Variants in ERC1 observed in about 807,000 individuals in gnomAD.
ERC1 encodes the protein ELKS/RAB6-interacting/CAST family member 1.
In ERC1, 56 loss-of-function variants were observed where a neutral mutation model predicts 132.0. That is an observed-to-expected ratio of 0.42 (90% confidence interval 0.34 to 0.53). ERC1 has a LOEUF of 0.53. Ranked by LOEUF, ERC1 falls within the 20% of genes least tolerant of loss-of-function variation. The pLI, the probability that ERC1 is intolerant of heterozygous loss-of-function variation, is 0.03. For synonymous variants in ERC1, 478 were observed against 476.1 expected (o/e 1.00, Z -0.05); for missense variants, 1,202 against 1,349.9 (o/e 0.89, Z 1.72).
At chr12:1,208,495 G>GTA (rs977380133) in intron 12 of ERC1, among the ~76,000 whole-genome samples, 1 of 152,150 alleles carries the variant, frequency 6.6e-6, no homozygotes, top group African/African-American at 2.4e-5. Flanking sequence ...ATGTGTTTGT[G>GTA]ACATCTAGAG....
At chr12:1,151,077 T>C (rs1950792496) in intron 8 of ERC1, among the ~76,000 whole-genome samples, 1 of 152,208 alleles carries the variant, frequency 6.6e-6, no homozygotes, top group African/African-American at 2.4e-5. Context: ...TCCTCACCTC[T>C]CTGCAAATCC....
At chr12:1,379,604 T>C (rs1387958645) in intron 16 of ERC1, among the ~76,000 whole-genome samples, 2 of 152,080 alleles carry the variant, frequency 1.3e-5, no homozygotes, top group African/African-American at 4.8e-5. Flanking sequence ...CTTAACTGAG[T>C]GGCTTAAAGT....
chr12:1,239,183 G>A (rs1312627259), intron 13 of ERC1, among the ~76,000 whole-genome samples: 1 of 152,124 alleles, frequency 6.6e-6, no homozygotes, highest in Non-Finnish European at 1.5e-5. Context: ...TGATCCTCCT[G>A]TCTCAGCCTC....
chr12:1,153,297 C>T (rs2154255581), intron 8 of ERC1, among the ~76,000 whole-genome samples: 1 of 152,358 alleles, frequency 6.6e-6, no homozygotes, highest in South Asian at 2.1e-4. Context: ...CTGATAGGCA[C>T]ATGCTGAATA....
intron 8 of ERC1, among the ~76,000 whole-genome samples, chr12:1,171,432 G>A (rs966971808): frequency 6.9e-6 from 1 of 145,734 alleles, no homozygotes; most frequent in Non-Finnish European, 1.5e-5. Flanking sequence ...GTCTGATGGT[G>A]GACAAACTGT....
At chr12:1,219,292 A>G (rs73025628) in intron 12 of ERC1, among the ~76,000 whole-genome samples, 36,075 of 152,072 alleles carry the variant, frequency 0.24, 4,698 homozygotes, top group Middle Eastern at 0.31. Flanking sequence ...CTTTAGTTAA[A>G]TATCAAATTT....
chr12:1,160,003 A>C (rs1319512482), intron 8 of ERC1, among the ~76,000 whole-genome samples: 1 of 152,234 alleles, frequency 6.6e-6, no homozygotes, highest in Admixed American at 6.5e-5. Flanking sequence ...ATTCTCATTA[A>C]ATTTCATTCA....
In ERC1 at chr12:1,182,145, TA is replaced by T. The variant is rs1356895183; in HGVS notation, c.2016+86del. ...TATGTTGGTGTTTACATAATGCATA[TA>T]AAAAAGTATTCGATGGAAAATTTTC... On this transcript the variant is annotated intron_variant, in intron 10 of 18. Transcript: ENST00000360905. 3.0e-6 allele frequency: 4 copies of T among 1,336,444 alleles called. No homozygotes were observed. The African/African-American group carries it at 4.4e-5, about 15-fold the overall frequency. 82.8% of individuals were successfully genotyped at this position (1,336,444 alleles called of 1,614,324 possible).
intron 2 of ERC1, among the ~76,000 whole-genome samples, chr12:1,033,906 A>C (rs929569355): frequency 6.6e-6 from 1 of 152,260 alleles, no homozygotes; most frequent in Non-Finnish European, 1.5e-5. Context: ...TTGGGATTAC[A>C]GGCATGAGTC....
chr12:1,308,495 C>T (rs1435276755), intron 15 of ERC1, among the ~76,000 whole-genome samples: 1 of 152,100 alleles, frequency 6.6e-6, no homozygotes, highest in Non-Finnish European at 1.5e-5. Context: ...AGTTTCTTGG[C>T]AGTAGGACAG....
chr12:1,402,218 CTT>C (rs952151542), intron 16 of ERC1, among the ~76,000 whole-genome samples: 1 of 152,110 alleles, frequency 6.6e-6, no homozygotes, highest in Non-Finnish European at 1.5e-5. Flanking sequence ...AATTTATACT[CTT>C]AACACATATA....
At chr12:1,268,064 A>G (rs963523127) in intron 14 of ERC1, among the ~76,000 whole-genome samples, 24 of 152,208 alleles carry the variant, frequency 1.6e-4, no homozygotes, top group African/African-American at 5.5e-4. Flanking sequence ...AACAGTTATC[A>G]CCAGAATACC....
intron 1 of ERC1, among the ~76,000 whole-genome samples, chr12:1,004,401 C>CTTTTTTTTTTTTTTTTTTTTT (rs71055118): frequency 3.2e-5 from 3 of 95,024 alleles, no homozygotes; most frequent in Non-Finnish European, 6.0e-5. Context: ...TTTTCTTTCT[C>CTTTTTTTTTTTTTTTTTTTTT]TTTTTTTTTT....
chr12:1,012,936 C>A (rs899536375), intron 1 of ERC1, among the ~76,000 whole-genome samples: 11 of 152,076 alleles, frequency 7.2e-5, no homozygotes, highest in African/African-American at 2.7e-4. Context: ...CTGACCCAGT[C>A]CAGGTCTGGT....
intron 1 of ERC1, among the ~76,000 whole-genome samples, chr12:1,001,952 C>G (rs912503625): frequency 6.7e-6 from 1 of 149,826 alleles, no homozygotes; most frequent in African/African-American, 2.5e-5. Context: ...CCACCGTCTC[C>G]TGGGTTCAAG....
chr12:1,322,097 A>G (rs1226101103), intron 15 of ERC1, among the ~76,000 whole-genome samples: 1 of 144,462 alleles, frequency 6.9e-6, no homozygotes, highest in Non-Finnish European at 1.5e-5. Flanking sequence ...TTGTGATAGT[A>G]GATTGAATAA....
chr12:1,473,629 CAAAAA>C (rs34619342), intron 18 of ERC1, among the ~76,000 whole-genome samples: 1 of 92,648 alleles, frequency 1.1e-5, no homozygotes, highest in Admixed American at 1.1e-4. Flanking sequence ...GACTCTATCT[CAAAAA>C]AAAAAAAAAA....
At position 1,067,250 on chromosome 12, in the gene ERC1, T is replaced by G. The variant is rs371449646; in HGVS notation, c.670-15914T>G. Among the ~76,000 whole-genome samples the G allele has an allele frequency of 2.0e-4, 30 of 152,374 alleles. 1 individual carries two copies. In the South Asian group the frequency reaches 6.0e-3, roughly 30 times the overall value. On this transcript the variant is annotated intron_variant, in intron 2 of 18. Coordinates refer to ENST00000360905, the MANE Select transcript of ERC1 (RefSeq NM_178040.4). ...TTTAACAAGCCAGTTTGAAAAGTTT[T>G]TAGTGTAAAATGCCAGTGTTTCTGC... is the stretch of plus-strand genomic sequence containing the variant.
chr12:1,288,621 A>G (rs1274886062), intron 14 of ERC1, among the ~76,000 whole-genome samples: 2 of 152,210 alleles, frequency 1.3e-5, no homozygotes, highest in African/African-American at 4.8e-5. Context: ...TCAGTGAAAC[A>G]ACTTTGATTT....
Sources: allele counts gnomAD v4.1 joint callset (sites outside exome capture counted in the v4.1 genomes callset), GRCh38; gene constraint gnomAD v4.1.1; transcripts MANE v1.5; gene names NCBI Gene and HGNC (gene_info 2026-07-23, HGNC 2026-07-21).